Variants in MKNK2 observed in about 807,000 individuals in gnomAD.
The protein encoded by MKNK2 is MAP kinase-interacting serine/threonine-protein kinase 2.
A neutral mutation model predicts 55.0 loss-of-function variants in MKNK2; 54 were observed. The observed-to-expected ratio is 0.98, with a 90% CI of 0.79 to 1.23. The LOEUF (loss-of-function observed/expected upper bound fraction) is 1.23, where lower values mean the gene tolerates loss of function less well. Among genes scored for constraint, MKNK2 ranks in the 50% most tolerant of loss-of-function variants. The pLI is 0.00. For missense variants in MKNK2, 685 were observed against 632.1 expected (o/e 1.08, Z -0.90); for synonymous variants, 323 against 256.0 (o/e 1.26, Z -2.50).
intron 6 of MKNK2, 86 bp downstream of exon 6, chr19:2,043,417 G>A (rs1290462520): frequency 4.5e-6 from 6 of 1,325,526 alleles, no homozygotes; most frequent in East Asian, 2.3e-5. Flanking sequence ...CCCTACAGAC[G>A]CTTGCTGGGG....
chr19:2,041,156 T>C lies in MKNK2; in HGVS notation c.994A>G (p.Lys332Glu), dbSNP rs1599379557. The change falls in exon 12 of 14, where the codon AAG (lysine) becomes GAG (glutamate). Residue 332 changes from lysine to glutamate, a missense_variant. Physicochemically the swap from Lys to Glu is moderately conservative, Grantham distance 56. Coordinates refer to ENST00000250896, the MANE Select transcript of MKNK2 (RefSeq NM_199054.3). ...GCGCAGGAGATGTGGGCCCAGTCCT[T>C]GTCGGGGAACTCGTACTTGCCCTCC... ...IQEGKYEFPD[K>E]DWAHISCAAK... is the part of the protein sequence containing the mutation. 1.2e-6 allele frequency: 2 copies of C among 1,613,992 alleles called. No individual in the cohort carries two copies. Among genetic ancestry groups the C allele is most frequent in the Non-Finnish European group, 8.5e-7 (1 of 1,179,936 alleles).
chr19:2,046,744 C>G (rs2017010255), intron 2 of MKNK2, 53 bp from the exon 3 acceptor site: 8 of 1,391,630 alleles, frequency 5.7e-6, no homozygotes, highest in Non-Finnish European at 6.7e-6. Context: ...GCCCACGCAG[C>G]AGGGAGACCT....
rs754998668 is a variant in MKNK2, at chr19:2,039,668, C to T, written c.1343G>A (p.Arg448Gln). ...GGCCGAGGACAGACTGGCCCTTTGCCGCCGCTGCGCCAGCTTGGACTGGGA... is the reference window on the plus strand; with the variant it reads ...GGCCGAGGACAGACTGGCCCTTTGCTGCCGCTGCGCCAGCTTGGACTGGGA... ...PPSQSKLAQRRQRASLSSAPV... is the reference protein window; with the variant it reads ...PPSQSKLAQRQQRASLSSAPV... The change falls in exon 14 of 14, where the codon CGG (arginine) becomes CAG (glutamine). Residue 448 changes from arginine (R) to glutamine (Q), a missense_variant. Coordinates refer to ENST00000250896, the MANE Select transcript of MKNK2 (RefSeq NM_199054.3). The T allele has an allele frequency of 1.5e-5, 25 of 1,613,034 alleles. No homozygotes were observed. The Middle Eastern group carries it at 6.6e-4, about 42-fold the overall frequency.
Position 2,042,999 on chromosome 19 carries a change from A to G in MKNK2, c.493+125T>C, listed in dbSNP as rs530535868. The G allele has an allele frequency of 6.1e-4, 787 of 1,290,130 alleles. 6 individuals carry two copies. In the African/African-American group the frequency reaches 0.011, roughly 17 times the overall value. The allele number at this position is 1,290,130 out of a possible 1,614,324, so 79.9% of individuals were successfully genotyped here. A position where few individuals can be genotyped will look rare whatever the true frequency, so the allele number is the denominator to read the frequency against. The stretch of plus-strand genomic sequence containing the variant: ...TGGCTTCCTCCAGCACAAAGGCCTC[A>G]CCCCTGAGCCACCATTTGGGCAGGA... On this transcript the variant is annotated intron_variant, in intron 7 of 13. Coordinates refer to ENST00000250896, the MANE Select transcript of MKNK2 (RefSeq NM_199054.3).
At chr19:2,043,058 A>T in intron 7 of MKNK2, 66 bp downstream of exon 7, 1 of 1,427,792 alleles carries the variant, frequency 7.0e-7, no homozygotes, top group Admixed American at 1.7e-5. Flanking sequence ...TGCAGGTGGC[A>T]CTAGGCCCCC....
At position 2,038,237 on chromosome 19, in the gene MKNK2, T is replaced by C; in HGVS notation, c.*1376A>G. 3.0e-6 allele frequency: 3 copies of C among 989,096 alleles called. No homozygotes were observed. Among genetic ancestry groups the C allele is most frequent in the Non-Finnish European group, 3.6e-6 (3 of 833,516 alleles). 61.3% of individuals were successfully genotyped at this position (989,096 alleles called of 1,614,324 possible). A position where few individuals can be genotyped will look rare whatever the true frequency, so the allele number is the denominator to read the frequency against. ...TTCAAGAACAGGGAAGCAAAGTCCA[T>C]CGATGTGTTGTTTTTTTTTAAGGAA... On this transcript the variant is annotated 3_prime_UTR_variant, in exon 14 of 14. Coordinates refer to ENST00000250896, the MANE Select transcript of MKNK2 (RefSeq NM_199054.3).
At chr19:2,042,896 CA>C in intron 7 of MKNK2, 26 bp from the exon 8 acceptor site, 4 of 1,548,026 alleles carry the variant, frequency 2.6e-6, no homozygotes, top group South Asian at 1.2e-5. Context: ...CAGGGCAGGA[CA>C]GGGGGAACAC....
chr19:2,050,789 C>T lies in MKNK2; in HGVS notation c.51+12G>A. 1 of 1,536,186 alleles carries T rather than the reference C, an allele frequency of 6.5e-7. No individual in the cohort carries two copies. The highest frequency in any genetic ancestry group is 8.8e-7 in the Non-Finnish European group (1 of 1,141,402). ...CAGCCCGGAGCGCCCCCAAACCGAC[C>T]CCGGGCCTCACCTTGAACGAACGGT... On this transcript the variant is annotated intron_variant, in intron 2 of 13. Transcript: ENST00000250896.
Position 2,039,508 on chromosome 19 carries a change from G to T in MKNK2, c.*105C>A. On this transcript the variant is annotated 3_prime_UTR_variant, in exon 14 of 14. Transcript: ENST00000250896. ...GCTGAGCTTAGTGCCTGGGAATCCA[G>T]GCAGAGGAGGGGCAGCCCGCTGGAC... 1 of 1,459,352 alleles carries T rather than the reference G, an allele frequency of 6.9e-7. No homozygotes were observed. The highest frequency in any genetic ancestry group is 1.4e-5 in the South Asian group (1 of 73,102). The allele number at this position is 1,459,352 out of a possible 1,614,324, so 90.4% of individuals were successfully genotyped here. A position where few individuals can be genotyped will look rare whatever the true frequency, so the allele number is the denominator to read the frequency against.
Position 2,038,824 on chromosome 19 carries a change from C to A in MKNK2, c.*789G>T, listed in dbSNP as rs1599376810. The A allele has an allele frequency of 1.0e-6, 1 of 985,644 alleles. No individual in the cohort carries two copies. Among genetic ancestry groups the A allele is most frequent in the Non-Finnish European group, 1.2e-6 (1 of 829,920 alleles). 61.1% of individuals were successfully genotyped at this position (985,644 alleles called of 1,614,324 possible). On this transcript the variant is annotated 3_prime_UTR_variant, in exon 14 of 14. Transcript: ENST00000250896. ...GGAAACGGCTTCGGGCCAGGCGGGG[C>A]TCCTGCTGTCTCAGGCCTTGGTGTG...
intron 9 of MKNK2, 41 bp from the exon 10 acceptor site, chr19:2,042,563 C>G: frequency 6.3e-7 from 1 of 1,576,036 alleles, no homozygotes; most frequent in Non-Finnish European, 8.6e-7. Context: ...GGGTCCCACG[C>G]GGTCCACCCC....
rs2016788657 is a variant in MKNK2, at chr19:2,037,984, A to G, written c.*1629T>C. ...ATCCCCCGTTACGAAACATGGAATC[A>G]CTGACAGGCGAGAAGTGATGGGGGA... On this transcript the variant is annotated 3_prime_UTR_variant, in exon 14 of 14. Transcript: ENST00000250896. 11 of 1,374,866 alleles carry G rather than the reference A, an allele frequency of 8.0e-6. No homozygotes were observed. The Admixed American group carries it at 3.2e-4, about 39-fold the overall frequency. The allele number at this position is 1,374,866 out of a possible 1,614,324, so 85.2% of individuals were successfully genotyped here.
intron 10 of MKNK2, 110 bp from the exon 11 acceptor site, chr19:2,042,144 G>T: frequency 1.8e-6 from 2 of 1,094,218 alleles, no homozygotes; most frequent in South Asian, 1.8e-5. Flanking sequence ...CCGCCCCGCC[G>T]GGCCCGACCA....
Position 2,042,536 on chromosome 19 carries a change from A to G in MKNK2, c.655-14T>C. ...CACGGGGGAGACCTGGGAGGGGCCA[A>G]AAGGTCCGTGAGCCTGGGGTCCCAC... On this transcript the variant is annotated splice_polypyrimidine_tract_variant and intron_variant, in intron 9 of 13. Coordinates refer to ENST00000250896, the MANE Select transcript of MKNK2 (RefSeq NM_199054.3). 1 of 1,588,324 alleles carries G rather than the reference A, an allele frequency of 6.3e-7. No individual in the cohort carries two copies. Among genetic ancestry groups the G allele is most frequent in the Non-Finnish European group, 8.6e-7 (1 of 1,168,560 alleles).
In MKNK2 at chr19:2,041,179, T is replaced by C. The variant is rs2016872690; in HGVS notation, c.971A>G (p.Glu324Gly). The C allele has an allele frequency of 1.9e-6, 3 of 1,613,620 alleles. No homozygotes were observed. The highest frequency in any genetic ancestry group is 2.5e-6 in the Non-Finnish European group (3 of 1,179,788). ...CTTGTCGGGGAACTCGTACTTGCCC[T>C]CCTGGATGCTCTCAAACAGCATGTT... The part of the protein sequence containing the change: ...CQNMLFESIQ[E>G]GKYEFPDKDW... Residue 324 changes from glutamate (E) to glycine (G), a missense_variant, in exon 12 of 14, where the codon GAG (glutamate) becomes GGG (glycine). Glu to Gly is a moderately conservative substitution (Grantham distance 98, BLOSUM62 -2). Coordinates refer to ENST00000250896, the MANE Select transcript of MKNK2 (RefSeq NM_199054.3).
rs1217880709 is a variant in MKNK2 at position 2,041,273 on chromosome 19, C to T, written c.946-69G>A. 2.6e-6 allele frequency: 4 copies of T among 1,528,398 alleles called. No individual in the cohort carries two copies. In the South Asian group the frequency reaches 4.9e-5, roughly 19 times the overall value. The allele number at this position is 1,528,398 out of a possible 1,614,324, so 94.7% of individuals were successfully genotyped here. ...CTGGATACTGTGCACTGACACGTGG[C>T]TCCAACCGGACCCCAACCAGGCCCT... is the stretch of plus-strand genomic sequence containing the variant. On this transcript the variant is annotated intron_variant, in intron 11 of 13. Coordinates refer to ENST00000250896, the MANE Select transcript of MKNK2 (RefSeq NM_199054.3).
In MKNK2 at chr19:2,039,781, G is replaced by C. The variant is rs533354898; in HGVS notation, c.1230C>G (p.Asp410Glu). 293 of 1,607,480 alleles carry C rather than the reference G, an allele frequency of 1.8e-4. No homozygotes were observed. Among genetic ancestry groups the C allele is most frequent in the Non-Finnish European group, 2.5e-4 (289 of 1,179,576 alleles). Residue 410 changes from aspartate (D) to glutamate (E), a missense_variant, in exon 14 of 14, where the codon GAC becomes GAG. Transcript: ENST00000250896. ...CGGCCTCCTCCTCAGCCAGGTCCTC[G>C]TCGTGCTGGGCCAGCTGCCGGTTCA... The part of the protein sequence containing the change: ...IAMNRQLAQH[D>E]EDLAEEEAAG...
chr19:2,037,683 G>T lies in MKNK2; in HGVS notation c.*1930C>A. 8.1e-7 allele frequency: 1 copy of T among 1,229,918 alleles called. No individual in the cohort carries two copies. Among genetic ancestry groups the T allele is most frequent in the Middle Eastern group, 2.6e-4 (1 of 3,840 alleles). The allele number at this position is 1,229,918 out of a possible 1,614,324, so 76.2% of individuals were successfully genotyped here. A position where few individuals can be genotyped will look rare whatever the true frequency, so the allele number is the denominator to read the frequency against. On this transcript the variant is annotated 3_prime_UTR_variant, in exon 14 of 14. Transcript: ENST00000250896. The stretch of plus-strand genomic sequence containing the variant: ...AACATCGTAACATTAACACATGGCC[G>T]TTCACCGTCCCCCAGCGATGGGAGC...
In MKNK2 at chr19:2,046,715, G is replaced by A. The variant is rs762631800; in HGVS notation, c.52-24C>T. 1.5e-4 allele frequency: 231 copies of A among 1,491,186 alleles called. 1 individual carries two copies. Among genetic ancestry groups the A allele is most frequent in the Non-Finnish European group, 2.0e-4 (223 of 1,119,556 alleles). The allele number at this position is 1,491,186 out of a possible 1,614,324, so 92.4% of individuals were successfully genotyped here. On this transcript the variant is annotated intron_variant, in intron 2 of 13. Coordinates refer to ENST00000250896, the MANE Select transcript of MKNK2 (RefSeq NM_199054.3). Reference sequence around the variant, plus strand: ...CCCTGCAGGGGAGAGGAGAGGAGAGGCACTCAGGCCCCATCCCTGCCCACG... The same window carrying A: ...CCCTGCAGGGGAGAGGAGAGGAGAGACACTCAGGCCCCATCCCTGCCCACG...
Sources: gnomAD v4.1 joint callset for allele counts on GRCh38, gnomAD v4.1.1 for gene constraint, MANE v1.5 for transcripts, NCBI Gene and HGNC (gene_info 2026-07-23, HGNC 2026-07-21) for gene names.